SLC35G1: variants seen among roughly 807,000 people sequenced by gnomAD.
The protein encoded by SLC35G1 is solute carrier family 35 member G1.
SLC35G1 carries 10 observed loss-of-function variants against 17.1 expected under a neutral mutation model. The observed-to-expected ratio is 0.59, with a 90% CI of 0.36 to 0.99. SLC35G1 has a LOEUF of 0.99. Among genes scored for constraint, SLC35G1 ranks in the 50% least tolerant of loss-of-function variants. The probability of loss-of-function intolerance (pLI) is 0.01; values close to 1 mark genes in which losing one functional copy is unlikely to be tolerated. For missense variants in SLC35G1, 433 were observed against 468.4 expected (o/e 0.92, Z 0.70); for synonymous variants, 185 against 181.1 (o/e 1.02, Z -0.18).
At chr10:93,900,619 G>A (rs1025947047) in intron 2 of SLC35G1, 133 bp from the exon 3 acceptor site, 2 of 720,620 alleles carry the variant, frequency 2.8e-6, no homozygotes, top group African/African-American at 1.8e-5. Flanking sequence ...TTCATTTGTG[G>A]ATATTATAAT....
Position 93,900,802 on chromosome 10 carries a change from G to A in SLC35G1, c.410G>A (p.Gly137Glu), listed in dbSNP as rs779017955. ...CAACGAATTTTCCTCATTCTCAGAGGAGTCCTTGGTTCTACCGCCATGATG... is the reference window on the plus strand; with the variant it reads ...CAACGAATTTTCCTCATTCTCAGAGAAGTCCTTGGTTCTACCGCCATGATG... ...KGQRIFLILR[G>E]VLGSTAMMLI... Residue 137 changes from glycine to glutamate, a missense_variant, in exon 3 of 3, where the codon GGA becomes GAA. Gly to Glu is a moderately conservative substitution (Grantham distance 98). Coordinates refer to ENST00000427197, the MANE Select transcript of SLC35G1 (RefSeq NM_001134658.3). 2 of 1,613,134 alleles carry A rather than the reference G, an allele frequency of 1.2e-6. No homozygotes were observed. The highest frequency in any genetic ancestry group is 2.2e-5 in the East Asian group (1 of 44,852).
chr10:93,906,556 A>G (rs1343532350), downstream of SLC35G1, among the ~76,000 whole-genome samples: 1 of 152,220 alleles, frequency 6.6e-6, no homozygotes, highest in Non-Finnish European at 1.5e-5. Flanking sequence ...AAAAAAAAAT[A>G]TAAACGATAA....
chr10:93,894,357 T>C, intron 1 of SLC35G1, 146 bp downstream of exon 1: 2 of 794,698 alleles, frequency 2.5e-6, no homozygotes, highest in Non-Finnish European at 3.5e-6. Context: ...CCTCGAGCTG[T>C]CAGCTGGGGG....
intron 1 of SLC35G1, among the ~76,000 whole-genome samples, chr10:93,897,226 G>C (rs1034917527): frequency 3.9e-5 from 6 of 152,170 alleles, no homozygotes; most frequent in Non-Finnish European, 4.4e-5. Context: ...CACAAGGCCA[G>C]GCTGTAGAAT....
At position 93,901,506 on chromosome 10, in the gene SLC35G1, A is replaced by G. The variant is rs1294027140; in HGVS notation, c.*16A>G. The G allele has an allele frequency of 1.9e-6, 3 of 1,563,950 alleles. No homozygotes were observed. Among genetic ancestry groups the G allele is most frequent in the Non-Finnish European group, 2.6e-6 (3 of 1,157,620 alleles). Reference sequence around the variant, plus strand: ...TTCCAAATGAAGCATCATTGCTGAAATACATATTTTTTTCAAGTACACCAT... The same window carrying G: ...TTCCAAATGAAGCATCATTGCTGAAGTACATATTTTTTTCAAGTACACCAT... On this transcript the variant is annotated 3_prime_UTR_variant, in exon 3 of 3. Transcript: ENST00000427197.
intron 2 of SLC35G1, among the ~76,000 whole-genome samples, chr10:93,899,169 GTAA>G (rs902790533): frequency 4.5e-4 from 69 of 152,268 alleles, no homozygotes; most frequent in African/African-American, 1.5e-3. Flanking sequence ...GAAGATTATA[GTAA>G]TAATATTTAG....
chr10:93,900,924 C>T lies in SLC35G1; in HGVS notation c.532C>T (p.Leu178Phe). 1 of 1,614,034 alleles carries T rather than the reference C, an allele frequency of 6.2e-7. No homozygotes were observed. The highest frequency in any genetic ancestry group is 8.5e-7 in the Non-Finnish European group (1 of 1,179,974). Residue 178 changes from leucine (L) to phenylalanine (F), a missense_variant, in exon 3 of 3, where the codon CTC becomes TTC. Leu to Phe is a conservative substitution (Grantham distance 22). Coordinates refer to ENST00000427197, the MANE Select transcript of SLC35G1 (RefSeq NM_001134658.3). ...TACGTCCATATTTGCTTGGATATGT[C>T]TCAAGGAAAAATATAGCCCTTGGGA... Reference protein sequence around the residue: ...VFTSIFAWICLKEKYSPWDAL... With the variant: ...VFTSIFAWICFKEKYSPWDAL...
rs142846873 is a variant in SLC35G1 at position 93,899,986 on chromosome 10, G to T, written c.360-766G>T. On this transcript the variant is annotated intron_variant, in intron 2 of 2. Transcript: ENST00000427197. ...CTTTCATTTTAACTCCAAGATACCC[G>T]GGGTAGCCTAGATGATAATCTAATG... Among the ~76,000 whole-genome samples the T allele has an allele frequency of 2.9e-3, 442 of 152,226 alleles. 3 individuals are homozygous for T. Among genetic ancestry groups the T allele is most frequent in the African/African-American group, 0.01 (423 of 41,532 alleles).
At chr10:93,908,936 A>G (rs1482620034) in exon 3 of SLC35G1, 1 of 152,356 alleles carries the variant, frequency 6.6e-6, no homozygotes, top group Non-Finnish European at 1.5e-5. Flanking sequence ...CAGTGTGCCA[A>G]TCAGAAGAAA....
Position 93,900,774 on chromosome 10 carries a change from G to A in SLC35G1, c.382G>A (p.Gly128Ser). 6.2e-7 allele frequency: 1 copy of A among 1,605,916 alleles called. No individual in the cohort carries two copies. The highest frequency in any genetic ancestry group is 8.5e-7 in the Non-Finnish European group (1 of 1,173,900). The part of the protein sequence containing the change: ...YRKTGFIGPK[G>S]QRIFLILRGV... ...CAGAACTGGGTTTATAGGCCCAAAAGGTCAACGAATTTTCCTCATTCTCAG... is the reference window on the plus strand; with the variant it reads ...CAGAACTGGGTTTATAGGCCCAAAAAGTCAACGAATTTTCCTCATTCTCAG... The change falls in exon 3 of 3, where the codon GGT becomes AGT. Residue 128 changes from glycine to serine, a missense_variant. Coordinates refer to ENST00000427197, the MANE Select transcript of SLC35G1 (RefSeq NM_001134658.3).
At chr10:93,899,201 TG>T (rs35844828) in intron 2 of SLC35G1, among the ~76,000 whole-genome samples, 1 of 152,186 alleles carries the variant, frequency 6.6e-6, no homozygotes, top group South Asian at 2.1e-4. Context: ...CAAAAGGTGA[TG>T]GGGTAACCCT....
chr10:93,898,478 C>G, intron 1 of SLC35G1, 93 bp from the exon 2 acceptor site: 1 of 1,288,114 alleles, frequency 7.8e-7, no homozygotes, highest in Middle Eastern at 1.9e-4. Flanking sequence ...GCCTGTTGAC[C>G]TTTGACACTG....
At chr10:93,896,000 T>TC (rs2060326163) in intron 1 of SLC35G1, among the ~76,000 whole-genome samples, 1 of 151,880 alleles carries the variant, frequency 6.6e-6, no homozygotes, top group Non-Finnish European at 1.5e-5. Flanking sequence ...TTAATTTTTT[T>TC]TTTTTTTGGA....
chr10:93,909,782 CTG>C (rs2060449299), exon 3 of SLC35G1: 1 of 152,210 alleles, frequency 6.6e-6, no homozygotes, highest in Non-Finnish European at 1.5e-5. Flanking sequence ...ATTCCCTAAA[CTG>C]TCAAATTTCC....
intron 1 of SLC35G1, 64 bp downstream of exon 1, chr10:93,894,275 T>A: frequency 7.7e-7 from 1 of 1,294,338 alleles, no homozygotes; most frequent in Non-Finnish European, 9.8e-7. Context: ...CGCCGGCGGG[T>A]TGGGGTCCCC....
At chr10:93,894,314 T>G (rs920879253) in intron 1 of SLC35G1, 103 bp downstream of exon 1, 3 of 1,138,612 alleles carry the variant, frequency 2.6e-6, no homozygotes, top group Non-Finnish European at 3.4e-6. Flanking sequence ...CCGCCGCGCC[T>G]CCGTCCCCAC....
chr10:93,895,465 T>TAA (rs202026004), intron 1 of SLC35G1, among the ~76,000 whole-genome samples: 2 of 152,176 alleles, frequency 1.3e-5, no homozygotes, highest in African/African-American at 2.4e-5. Context: ...TGCAAACTCT[T>TAA]AAAGTTTCCC....
chr10:93,901,327 G>A lies in SLC35G1; in HGVS notation c.935G>A (p.Gly312Glu). 2 of 1,613,928 alleles carry A rather than the reference G, an allele frequency of 1.2e-6. No individual in the cohort carries two copies. Among genetic ancestry groups the A allele is most frequent in the Non-Finnish European group, 1.7e-6 (2 of 1,179,942 alleles). Reference protein sequence around the residue: ...ITKALQIEKAGPVAIMKTMDV... With the variant: ...ITKALQIEKAEPVAIMKTMDV... ...AAAGCACTTCAAATAGAAAAAGCAG[G>A]GCCAGTAGCAATAATGAAGACAATG... Residue 312 changes from glycine (G) to glutamate (E), a missense_variant, in exon 3 of 3, where the codon GGG (glycine) becomes GAG (glutamate). Gly to Glu is a moderately conservative substitution (Grantham distance 98). Transcript: ENST00000427197.
Position 93,900,917 on chromosome 10 carries a change from G to C in SLC35G1, c.525G>C (p.Trp175Cys). Residue 175 changes from tryptophan to cysteine, a missense_variant, in exon 3 of 3, where the codon TGG (tryptophan) becomes TGC (cysteine). By Grantham distance (215) the Trp-to-Cys change is radical. Coordinates refer to ENST00000427197, the MANE Select transcript of SLC35G1 (RefSeq NM_001134658.3). ...SSPVFTSIFA[W>C]ICLKEKYSPW... ...CAGTGTTTACGTCCATATTTGCTTGGATATGTCTCAAGGAAAAATATAGCC... is the reference window on the plus strand; with the variant it reads ...CAGTGTTTACGTCCATATTTGCTTGCATATGTCTCAAGGAAAAATATAGCC... 1 of 1,613,974 alleles carries C rather than the reference G, an allele frequency of 6.2e-7. No homozygotes were observed. The highest frequency in any genetic ancestry group is 8.5e-7 in the Non-Finnish European group (1 of 1,179,954).
Sources: allele counts gnomAD v4.1 joint callset (sites outside exome capture counted in the v4.1 genomes callset), GRCh38; gene constraint gnomAD v4.1.1; transcripts MANE v1.5; gene names NCBI Gene and HGNC (gene_info 2026-07-23, HGNC 2026-07-21).